Variants in DYNLL1 observed in about 807,000 individuals in gnomAD.
DYNLL1 encodes dynein light chain 1, cytoplasmic.
In DYNLL1, 3 loss-of-function variants were observed where a neutral mutation model predicts 10.1. That is an observed-to-expected ratio of 0.30 (90% CI 0.14 to 0.77). The LOEUF (loss-of-function observed/expected upper bound fraction) is 0.77, where lower values mean the gene tolerates loss of function less well. DYNLL1 is among the 30% of genes least tolerant of loss of function. The probability of loss-of-function intolerance (pLI) is 0.66; values close to 1 mark genes in which losing one functional copy is unlikely to be tolerated. For synonymous variants in DYNLL1, 46 were observed against 41.2 expected, an observed-to-expected ratio of 1.12 and a Z score of -0.45; for missense variants, 47 against 111.7, an observed-to-expected ratio of 0.42 and a Z score of 2.61.
intron 1 of DYNLL1, among the ~76,000 whole-genome samples, chr12:120,489,914 AT>A (rs1359661349): frequency 6.6e-6 from 1 of 151,998 alleles, no homozygotes; most frequent in Non-Finnish European, 1.5e-5. Context: ...CGCCCAGCTA[AT>A]TTTTTGTATT....
chr12:120,497,941 C>T, intron 2 of DYNLL1, 132 bp from the exon 3 acceptor site: 4 of 878,056 alleles, frequency 4.6e-6, no homozygotes, highest in Non-Finnish European at 6.8e-6. Flanking sequence ...AGCTGGGGAA[C>T]ATTCTTTCAT....
intron 1 of DYNLL1, among the ~76,000 whole-genome samples, chr12:120,487,736 G>A (rs1358562996): frequency 1.3e-5 from 2 of 152,138 alleles, no homozygotes; most frequent in African/African-American, 2.4e-5. Context: ...AAGCAACCCA[G>A]ATGTCCGTTA....
At chr12:120,491,445 G>A (rs1003495005), upstream of DYNLL1, 1 of 152,360 alleles carries the variant, frequency 6.6e-6, no homozygotes, top group African/African-American at 2.4e-5. Flanking sequence ...TCTGGATGGG[G>A]TCTTCAATCA....
upstream of DYNLL1, among the ~76,000 whole-genome samples, chr12:120,492,643 G>A (rs1879160045): frequency 6.6e-6 from 1 of 152,166 alleles, no homozygotes; most frequent in Non-Finnish European, 1.5e-5. The surrounding 1 kb of genome is among the most constrained non-coding windows in gnomAD (Gnocchi z 4.1). Flanking sequence ...ACTTGAAGGA[G>A]CTCATAGCTT....
At chr12:120,484,219 G>A (rs1055146046) in intron 1 of DYNLL1, among the ~76,000 whole-genome samples, 3 of 152,050 alleles carry the variant, frequency 2.0e-5, no homozygotes, top group African/African-American at 7.2e-5. Flanking sequence ...TGATGCAGGA[G>A]AGGGAGAAGA....
intron 2 of DYNLL1, chr12:120,496,828 C>T (rs945603886): frequency 5.0e-6 from 3 of 599,186 alleles, no homozygotes; most frequent in Admixed American, 6.2e-5. Flanking sequence ...AGCAGCGGTT[C>T]CCCCTTCTGT....
chr12:120,487,626 C>T (rs1016748712), intron 1 of DYNLL1, among the ~76,000 whole-genome samples: 2 of 152,124 alleles, frequency 1.3e-5, no homozygotes, highest in African/African-American at 4.8e-5. Context: ...TCTATACACA[C>T]TTCACAAAAG....
At chr12:120,492,970 A>G (rs1461271810), upstream of DYNLL1, among the ~76,000 whole-genome samples, 1 of 152,088 alleles carries the variant, frequency 6.6e-6, no homozygotes, top group Non-Finnish European at 1.5e-5. The surrounding 1 kb of genome is among the most constrained non-coding windows in gnomAD (Gnocchi z 4.1). Flanking sequence ...CTCTTTGGAA[A>G]AATGCCTGTA....
chr12:120,493,074 A>T (rs1230188371), upstream of DYNLL1, among the ~76,000 whole-genome samples: 3 of 152,230 alleles, frequency 2.0e-5, no homozygotes, highest in Non-Finnish European at 4.4e-5. Context: ...CCTCGAGGGT[A>T]GCATTTTCCA....
At chr12:120,490,091 A>G (rs2137066328) in intron 1 of DYNLL1, among the ~76,000 whole-genome samples, 1 of 152,244 alleles carries the variant, frequency 6.6e-6, no homozygotes, top group East Asian at 1.9e-4. Flanking sequence ...AGAGATAAAT[A>G]TTTTTGCTTG....
intron 1 of DYNLL1, among the ~76,000 whole-genome samples, chr12:120,488,990 G>T (rs530263752): frequency 5.3e-5 from 8 of 152,278 alleles, no homozygotes; most frequent in Admixed American, 3.9e-4. Flanking sequence ...CCTCTACATG[G>T]CCAAAGCACT....
intron 1 of DYNLL1, among the ~76,000 whole-genome samples, chr12:120,476,448 G>A (rs1157127489): frequency 6.6e-6 from 1 of 152,116 alleles, no homozygotes; most frequent in Non-Finnish European, 1.5e-5. Context: ...CCCTCAGCCA[G>A]CACATGTGCA....
At chr12:120,497,021 G>A in intron 2 of DYNLL1, 1 of 245,672 alleles carries the variant, frequency 4.1e-6, no homozygotes, top group Non-Finnish European at 7.9e-6. Context: ...AAAGCCGGCA[G>A]GACTGCCAAC....
intron 1 of DYNLL1, among the ~76,000 whole-genome samples, chr12:120,472,544 C>G (rs1878673129): frequency 1.3e-5 from 2 of 152,022 alleles, no homozygotes; most frequent in Non-Finnish European, 2.9e-5. Context: ...ATACCATTCT[C>G]TGAGTCCTAC....
intron 1 of DYNLL1, among the ~76,000 whole-genome samples, chr12:120,472,627 T>G: frequency 6.6e-6 from 1 of 152,194 alleles, no homozygotes; most frequent in Non-Finnish European, 1.5e-5. Flanking sequence ...TTGGGCAGTC[T>G]CCTAGGGAGA....
chr12:120,496,882 G>C (rs894212964), intron 2 of DYNLL1: 73 of 468,158 alleles, frequency 1.6e-4, no homozygotes, highest in Non-Finnish European at 2.3e-4. Context: ...CCGGAGGGGG[G>C]AGCTGCGTGG....
chr12:120,497,116 A>T (rs984224499), intron 2 of DYNLL1: 4 of 172,516 alleles, frequency 2.3e-5, no homozygotes, highest in African/African-American at 7.2e-5. Context: ...AAGATGAAAG[A>T]CTTCAGATGG....
chr12:120,479,190 G>A (rs1204597386), intron 1 of DYNLL1, among the ~76,000 whole-genome samples: 35 of 149,844 alleles, frequency 2.3e-4, no homozygotes, highest in African/African-American at 8.1e-4. Flanking sequence ...GGCCAGGCGC[G>A]GTGGCTCACG....
At chr12:120,496,578 A>T in intron 2 of DYNLL1, 25 bp downstream of exon 2, 1 of 1,613,490 alleles carries the variant, frequency 6.2e-7, no homozygotes, top group Non-Finnish European at 8.5e-7. Flanking sequence ...GGGGGCCGAT[A>T]CGCAGCCGGG....
Sources: allele counts gnomAD v4.1 joint callset (sites outside exome capture counted in the v4.1 genomes callset), GRCh38; gene constraint gnomAD v4.1.1; non-coding constraint Gnocchi (gnomAD v3.1); transcripts MANE v1.5; gene names NCBI Gene and HGNC (gene_info 2026-07-23, HGNC 2026-07-21).